The following ZNF443 variants were observed in gnomAD, a reference collection of about 807,000 sequenced individuals.
ZNF443 encodes Kruppel-type zinc finger (C2H2).
ZNF443 carries 3 observed loss-of-function variants against 12.0 expected under a neutral mutation model. The ratio of observed to expected loss-of-function variants is 0.25; its 90% CI spans 0.11 to 0.64. ZNF443 has a LOEUF of 0.64. Among genes scored for constraint, ZNF443 ranks in the 30% least tolerant of loss-of-function variants. The probability of loss-of-function intolerance (pLI) is 0.84; values close to 1 mark genes in which losing one functional copy is unlikely to be tolerated. For missense variants in ZNF443, 770 were observed against 808.8 expected, an observed-to-expected ratio of 0.95 and a Z score of 0.58; for synonymous variants, 225 against 265.9, an observed-to-expected ratio of 0.85 and a Z score of 1.50.
In ZNF443 at chr19:12,440,925, C is replaced by G. The variant is rs375219476; in HGVS notation, c.-11G>C. ...CAGCACACGCACCATTTCCCGACTTCCGCGGTGTCCCAGGTCCTACCGACA... is the reference window on the plus strand; with the variant it reads ...CAGCACACGCACCATTTCCCGACTTGCGCGGTGTCCCAGGTCCTACCGACA... On this transcript the variant is annotated 5_prime_UTR_variant, in exon 1 of 4. Transcript: ENST00000301547. 1 of 1,614,108 alleles carries G rather than the reference C, an allele frequency of 6.2e-7. No homozygotes were observed. Among genetic ancestry groups the G allele is most frequent in the Non-Finnish European group, 8.5e-7 (1 of 1,179,984 alleles).
intron 2 of ZNF443, among the ~76,000 whole-genome samples, 160 bp from the exon 3 acceptor site, chr19:12,432,597 C>T (rs1353858915): frequency 7.1e-6 from 1 of 140,922 alleles, no homozygotes; most frequent in Non-Finnish European, 1.5e-5. Flanking sequence ...TTTGTATATA[C>T]ATATATATAT....
At chr19:12,439,659 T>G (rs1970345454) in intron 1 of ZNF443, among the ~76,000 whole-genome samples, 9 of 152,146 alleles carry the variant, frequency 5.9e-5, no homozygotes, top group Admixed American at 5.9e-4. Flanking sequence ...GCTAATTTTA[T>G]TATTATCATT....
intron 3 of ZNF443, 60 bp downstream of exon 3, chr19:12,432,317 T>C (rs1970264838): frequency 2.1e-6 from 3 of 1,417,862 alleles, no homozygotes; most frequent in Non-Finnish European, 2.9e-6. Flanking sequence ...CTTTTTAAAT[T>C]TTCATGTCAT....
chr19:12,429,970 G>A lies in ZNF443; in HGVS notation c.*186C>T, dbSNP rs1056003. Reference sequence around the variant, plus strand: ...ATAAAAGGGACTGGACATGGCTCACGGAGTGCTGGAACCAATACCCAGCAG... The same window carrying A: ...ATAAAAGGGACTGGACATGGCTCACAGAGTGCTGGAACCAATACCCAGCAG... On this transcript the variant is annotated 3_prime_UTR_variant, in exon 4 of 4. Coordinates refer to ENST00000301547, the MANE Select transcript of ZNF443 (RefSeq NM_005815.5). The A allele has an allele frequency of 0.27, 236,335 of 864,238 alleles. 35,061 individuals are homozygous for A. The highest frequency in any genetic ancestry group is 0.47 in the South Asian group (24,310 of 51,722). The allele number at this position is 864,238 out of a possible 1,614,324, so 53.5% of individuals were successfully genotyped here.
chr19:12,438,387 G>A (rs1970334253), intron 1 of ZNF443, among the ~76,000 whole-genome samples: 1 of 152,172 alleles, frequency 6.6e-6, no homozygotes, highest in Non-Finnish European at 1.5e-5. Flanking sequence ...GATAGTAAGT[G>A]ATATAGTAAA....
In ZNF443 at chr19:12,430,475, C is replaced by T; in HGVS notation, c.1697G>A (p.Gly566Glu). 1.2e-6 allele frequency: 2 copies of T among 1,614,110 alleles called. No homozygotes were observed. The highest frequency in any genetic ancestry group is 1.7e-6 in the Non-Finnish European group (2 of 1,179,992). ...GEKPYECKECGKAFSWLTCFL... is the reference protein window; with the variant it reads ...GEKPYECKECEKAFSWLTCFL... ...GCAAGTGAGCCAAGAGAATGCTTTC[C>T]CACATTCCTTACATTCATACGGCTT... is the stretch of plus-strand genomic sequence containing the variant. The change falls in exon 4 of 4, where the codon GGG becomes GAG. Residue 566 changes from glycine to glutamate, a missense_variant. This residue lies in a region of ZNF443 where 736 missense variants were observed against 689.4 expected (regional missense o/e 1.07). Coordinates refer to ENST00000301547, the MANE Select transcript of ZNF443 (RefSeq NM_005815.5).
rs759258258 is a variant in ZNF443, at chr19:12,431,645, T to C, written c.527A>G (p.Lys176Arg). The part of the protein sequence containing the change: ...KKPYDCKECG[K>R]SFSSLGNLQR... ...AAGGTTTCCCAAAGAACTGAAGGAC[T>C]TCCCACATTCTTTACAATCATATGG... The change falls in exon 4 of 4, where the codon AAG becomes AGG. Residue 176 changes from lysine to arginine, a missense_variant. Coordinates refer to ENST00000301547, the MANE Select transcript of ZNF443 (RefSeq NM_005815.5). 1.2e-6 allele frequency: 2 copies of C among 1,614,178 alleles called. No individual in the cohort carries two copies. Among genetic ancestry groups the C allele is most frequent in the Admixed American group, 3.3e-5 (2 of 60,030 alleles).
At position 12,431,291 on chromosome 19, in the gene ZNF443, C is replaced by T; in HGVS notation, c.881G>A (p.Ser294Asn). ...AGTTCTTTCATGTATTAGACAAGAA[C>T]TGGAATCAGGGAAGGCTTTAGAACA... ...KQCSKAFPDS[S>N]SCLIHERTHT... Residue 294 changes from serine to asparagine, a missense_variant, in exon 4 of 4, where the codon AGT becomes AAT. Transcript: ENST00000301547. 6.2e-7 allele frequency: 1 copy of T among 1,614,108 alleles called. No individual in the cohort carries two copies. The highest frequency in any genetic ancestry group is 8.5e-7 in the Non-Finnish European group (1 of 1,179,980).
At chr19:12,437,582 T>A (rs1016347633) in intron 1 of ZNF443, among the ~76,000 whole-genome samples, 1 of 151,482 alleles carries the variant, frequency 6.6e-6, no homozygotes, top group African/African-American at 2.4e-5. Flanking sequence ...TACACATGAA[T>A]CCAAGTATAT....
intron 1 of ZNF443, 105 bp downstream of exon 1, chr19:12,440,807 G>A (rs557131584): frequency 6.3e-7 from 1 of 1,589,602 alleles, no homozygotes; most frequent in South Asian, 1.1e-5. Context: ...CGGGTCCGTA[G>A]ATCCCGAAGT....
At chr19:12,432,831 A>G (rs1970271302) in intron 2 of ZNF443, among the ~76,000 whole-genome samples, 3 of 147,656 alleles carry the variant, frequency 2.0e-5, no homozygotes, top group African/African-American at 7.5e-5. Context: ...GACATAAAAT[A>G]TATGTATTAA....
intron 1 of ZNF443, among the ~76,000 whole-genome samples, chr19:12,437,400 C>A (rs1251196298): frequency 1.5e-5 from 2 of 131,876 alleles, no homozygotes; most frequent in African/African-American, 6.1e-5. Flanking sequence ...AGAGCAAGAA[C>A]CTGTCTCAAA....
intron 1 of ZNF443, among the ~76,000 whole-genome samples, chr19:12,436,014 T>C (rs1970304379): frequency 6.6e-6 from 1 of 151,874 alleles, no homozygotes; most frequent in East Asian, 1.9e-4. Flanking sequence ...GGTTCATCAA[T>C]TGGAAAAAAT....
chr19:12,440,819 GC>G (rs1970357270), intron 1 of ZNF443, 92 bp downstream of exon 1: 5 of 1,601,662 alleles, frequency 3.1e-6, no homozygotes, highest in Non-Finnish European at 3.4e-6. Flanking sequence ...TCCCGAAGTC[GC>G]CCTTGGGGAG....
At chr19:12,437,999 G>A (rs956994086) in intron 1 of ZNF443, among the ~76,000 whole-genome samples, 18 of 152,014 alleles carry the variant, frequency 1.2e-4, no homozygotes, top group Non-Finnish European at 2.2e-4. Context: ...TACTCAGGAG[G>A]CTGAGGCAAG....
intron 1 of ZNF443, among the ~76,000 whole-genome samples, chr19:12,439,947 T>C (rs1970347598): frequency 6.6e-6 from 1 of 151,668 alleles, no homozygotes; most frequent in Non-Finnish European, 1.5e-5. Context: ...AACCAAGAGA[T>C]TTGCTGCCAG....
Position 12,431,196 on chromosome 19 carries a change from T to C in ZNF443, c.976A>G (p.Arg326Gly), listed in dbSNP as rs1568237144. 3 of 1,614,036 alleles carry C rather than the reference T, an allele frequency of 1.9e-6. No individual in the cohort carries two copies. Among genetic ancestry groups the C allele is most frequent in the Non-Finnish European group, 1.7e-6 (2 of 1,179,928 alleles). The change falls in exon 4 of 4, where the codon AGA (arginine) becomes GGA (glycine). Residue 326 changes from arginine to glycine, a missense_variant. Arg to Gly is a moderately radical substitution (Grantham distance 125, BLOSUM62 -2). This residue lies in a region of ZNF443 where 736 missense variants were observed against 689.4 expected (regional missense o/e 1.07). Coordinates refer to ENST00000301547, the MANE Select transcript of ZNF443 (RefSeq NM_005815.5). ...TCTGCACTGTGAGTGGTTTCATGTC[T>C]TTGAAGGGAACCGGAAACACTGAAG... is the stretch of plus-strand genomic sequence containing the variant. ...KAFSVSGSLQ[R>G]HETTHSAEKP...
intron 1 of ZNF443, among the ~76,000 whole-genome samples, chr19:12,440,663 C>T (rs1970355669): frequency 6.6e-6 from 1 of 152,236 alleles, no homozygotes; most frequent in South Asian, 2.1e-4. Flanking sequence ...AGACCCGGGG[C>T]TGCGGGCTCG....
Position 12,431,632 on chromosome 19 carries a change from A to G in ZNF443, c.540T>C (p.Ser180=). 6.2e-7 allele frequency: 1 copy of G among 1,614,168 alleles called. No individual in the cohort carries two copies. Residue 180 remains serine, a synonymous_variant, in exon 4 of 4, where the codon TCT becomes TCC. Transcript: ENST00000301547. ...DCKECGKSFS[S]LGNLQRHMAV... ...CCATGTGTCTTTGAAGGTTTCCCAA[A>G]GAACTGAAGGACTTCCCACATTCTT...
Sources: gnomAD v4.1 joint callset for allele counts (sites outside exome capture counted in the v4.1 genomes callset) on GRCh38, gnomAD v4.1.1 for gene constraint, gnomAD v4.1.1 regional missense constraint, MANE v1.5 for transcripts, NCBI Gene and HGNC (gene_info 2026-07-23, HGNC 2026-07-21) for gene names.